The following ULK4 variants were observed in gnomAD, a reference collection of about 807,000 sequenced individuals.
The protein encoded by ULK4 is inactive serine/threonine-protein kinase ULK4.
In ULK4, 133 loss-of-function variants were observed where a neutral mutation model predicts 160.6. The ratio of observed to expected loss-of-function variants is 0.83; its 90% CI spans 0.72 to 0.96. ULK4 has a LOEUF of 0.96. ULK4 is among the 40% of genes least tolerant of loss of function. ULK4 has a pLI of 0.00. For synonymous variants in ULK4, 534 were observed against 539.8 expected, an observed-to-expected ratio of 0.99 and a Z score of 0.15; for missense variants, 1,580 against 1,499.5, an observed-to-expected ratio of 1.05 and a Z score of -0.89.
At chr3:41,621,241 C>A (rs1332181827) in intron 30 of ULK4, among the ~76,000 whole-genome samples, 1 of 152,114 alleles carries the variant, frequency 6.6e-6, no homozygotes, top group Admixed American at 6.6e-5. Context: ...CATTGACTTT[C>A]TTCATGGAAT....
At position 41,651,943 on chromosome 3, in the gene ULK4, AC is replaced by A. The variant is rs1287328292; in HGVS notation, c.3071+11663del. On this transcript the variant is annotated intron_variant, in intron 30 of 36. Transcript: ENST00000301831. ...CATCACCATGGAGAGCTCTCTGCTAACCCCTCCTTGAGAAAAGCTATCACTG... is the reference window on the plus strand; with the variant it reads ...CATCACCATGGAGAGCTCTCTGCTAACCCTCCTTGAGAAAAGCTATCACTG... Among the ~76,000 whole-genome samples, 5 of 152,244 alleles carry A rather than the reference AC, an allele frequency of 3.3e-5. No homozygotes were observed. The East Asian group carries it at 9.7e-4, about 29-fold the overall frequency.
Position 41,642,346 on chromosome 3 carries a change from C to A in ULK4, c.3071+21261G>T, listed in dbSNP as rs1194117174. On this transcript the variant is annotated intron_variant, in intron 30 of 36. Coordinates refer to ENST00000301831, the MANE Select transcript of ULK4 (RefSeq NM_017886.4). ...TAATGCTATCCCTCCCTACTCCCCC[C>A]ACCCCACAACAGTCCCCAGAGAGTG... is the stretch of plus-strand genomic sequence containing the variant. 3.3e-5 allele frequency among the ~76,000 whole-genome samples: 5 copies of A among 152,198 alleles called. No homozygotes were observed. In the South Asian group the frequency reaches 6.2e-4, roughly 19 times the overall value.
At chr3:41,874,337 A>G (rs1215821049) in intron 17 of ULK4, among the ~76,000 whole-genome samples, 1 of 152,156 alleles carries the variant, frequency 6.6e-6, no homozygotes, top group Non-Finnish European at 1.5e-5. Context: ...AAAGCACACA[A>G]TTTTCAGGAA....
At chr3:41,721,255 A>ATTTTTTTTTTTT (rs67078042) in intron 22 of ULK4, among the ~76,000 whole-genome samples, 1 of 45,048 alleles carries the variant, frequency 2.2e-5, no homozygotes, top group Non-Finnish European at 3.5e-5. Flanking sequence ...TTCGCTTTGA[A>ATTTTTTTTTTTT]TTTTTTTTTT....
chr3:41,810,935 A>AATC, intron 19 of ULK4, among the ~76,000 whole-genome samples: 1 of 152,132 alleles, frequency 6.6e-6, no homozygotes, highest in East Asian at 1.9e-4. Flanking sequence ...GCCCAGGCTG[A>AATC]AGGGCAATAG....
At chr3:41,762,868 T>C (rs1447025012) in intron 21 of ULK4, among the ~76,000 whole-genome samples, 1 of 152,046 alleles carries the variant, frequency 6.6e-6, no homozygotes, top group African/African-American at 2.4e-5. Flanking sequence ...GGTTTCACTG[T>C]TAGCCAGGAT....
chr3:41,361,753 T>C (rs146132620), intron 35 of ULK4, among the ~76,000 whole-genome samples: 37 of 152,324 alleles, frequency 2.4e-4, no homozygotes, highest in Admixed American at 1.4e-3. Context: ...AAATGGAGCA[T>C]CTTACTCTAA....
At chr3:41,954,000 A>G (rs962366640) in intron 2 of ULK4, among the ~76,000 whole-genome samples, 3 of 151,918 alleles carry the variant, frequency 2.0e-5, no homozygotes, top group Non-Finnish European at 4.4e-5. Flanking sequence ...TGGCTAACAC[A>G]GTGAAACCCC....
intron 34 of ULK4, among the ~76,000 whole-genome samples, chr3:41,426,217 A>G (rs1041036100): frequency 6.6e-6 from 1 of 152,238 alleles, no homozygotes; most frequent in Non-Finnish European, 1.5e-5. Flanking sequence ...CAATTCAACA[A>G]GAAGAGCTAA....
At chr3:41,651,858 A>G (rs753429814) in intron 30 of ULK4, among the ~76,000 whole-genome samples, 1 of 152,228 alleles carries the variant, frequency 6.6e-6, no homozygotes, top group Non-Finnish European at 1.5e-5. Context: ...ACTAACTGCT[A>G]GCTTCCAACA....
intron 1 of ULK4, chr3:41,955,602 C>CT (rs1340566017): frequency 6.4e-6 from 1 of 155,936 alleles, no homozygotes; most frequent in Non-Finnish European, 1.5e-5. Flanking sequence ...GCTTTACTCC[C>CT]TACGAGCTGG....
rs2038723778 is a variant in ULK4, at chr3:41,754,342, C to G, written c.2321+19G>C. On this transcript the variant is annotated intron_variant, in intron 22 of 36. Transcript: ENST00000301831. Reference sequence around the variant, plus strand: ...CACTAAATTGAAGTTACTGATGAAACCATCAGAGAAAATCTTACCTTGCTT... The same window carrying G: ...CACTAAATTGAAGTTACTGATGAAAGCATCAGAGAAAATCTTACCTTGCTT... 1 of 1,603,924 alleles carries G rather than the reference C, an allele frequency of 6.2e-7. No individual in the cohort carries two copies. The highest frequency in any genetic ancestry group is 2.2e-5 in the East Asian group (1 of 44,570).
At chr3:41,885,914 G>C (rs140705937) in intron 16 of ULK4, among the ~76,000 whole-genome samples, 1 of 152,234 alleles carries the variant, frequency 6.6e-6, no homozygotes, top group East Asian at 1.9e-4. Context: ...CTGAGCTCAA[G>C]TGATCTGCCC....
chr3:41,591,067 A>G (rs1440231053), intron 31 of ULK4, among the ~76,000 whole-genome samples: 1 of 152,152 alleles, frequency 6.6e-6, no homozygotes, highest in African/African-American at 2.4e-5. Context: ...GATTGCTGAC[A>G]ATCAGAAAAG....
intron 32 of ULK4, among the ~76,000 whole-genome samples, chr3:41,469,222 A>G (rs1216411146): frequency 6.6e-6 from 1 of 152,134 alleles, no homozygotes; most frequent in Non-Finnish European, 1.5e-5. Context: ...AGCTCACCTC[A>G]AGAGCCTGCC....
chr3:41,931,770 A>G (rs1321323280), intron 5 of ULK4, 74 bp downstream of exon 5: 6 of 1,529,286 alleles, frequency 3.9e-6, no homozygotes, highest in African/African-American at 2.8e-5. Context: ...AAAGACTGAC[A>G]TTGTCTCCTA....
chr3:41,961,986 G>A (rs1434156305), intron 1 of ULK4, 30 bp downstream of exon 1: 1 of 152,308 alleles, frequency 6.6e-6, no homozygotes, highest in Admixed American at 6.5e-5. Context: ...ACTCAGACTC[G>A]TAGCTACTAA....
At chr3:41,674,941 T>C (rs968406996) in intron 29 of ULK4, among the ~76,000 whole-genome samples, 2 of 152,068 alleles carry the variant, frequency 1.3e-5, no homozygotes, top group African/African-American at 4.8e-5. Context: ...TGACCTTATT[T>C]AGAAAAAGGG....
chr3:41,911,699 G>C (rs937181756), intron 9 of ULK4, 40 bp from the exon 10 acceptor site: 2 of 1,460,346 alleles, frequency 1.4e-6, no homozygotes, highest in South Asian at 2.3e-5. Flanking sequence ...ACTTACTTTG[G>C]AGTTCTCTAT....
Sources: gnomAD v4.1 joint callset for allele counts (sites outside exome capture counted in the v4.1 genomes callset) on GRCh38, gnomAD v4.1.1 for gene constraint, MANE v1.5 for transcripts, NCBI Gene and HGNC (gene_info 2026-07-23, HGNC 2026-07-21) for gene names.